Variants in HYCC1 observed in about 807,000 individuals in gnomAD.
HYCC1 encodes hyccin PI4KA lipid kinase complex subunit 1.
At chr7:22,952,946 GA>G in the HYCC1 span, among the ~76,000 whole-genome samples, 1 of 151,914 alleles carries the variant, frequency 6.6e-6, no homozygotes, top group African/African-American at 2.4e-5. Flanking sequence ...GGGGCATACA[GA>G]AAAACAGTCT....
At chr7:23,014,078 TCTCA>T in the HYCC1 span, 3,063 of 470,218 alleles carry the variant, frequency 6.5e-3, 89 homozygotes, top group African/African-American at 0.056. Context: ...TTCCCCCTCC[TCTCA>T]CTGACTGACA....
chr7:22,946,834 A>C, the HYCC1 span: 4,556 of 792,792 alleles, frequency 5.7e-3, 24 homozygotes, highest in South Asian at 9.1e-3. Flanking sequence ...AAAGAACATT[A>C]AGAGTCATTG....
the HYCC1 span, among the ~76,000 whole-genome samples, chr7:22,906,628 T>A: frequency 6.6e-6 from 1 of 150,676 alleles, no homozygotes; most frequent in Admixed American, 6.6e-5. Context: ...TTTTCAGATA[T>A]ACATAAAATA....
At chr7:22,993,528 T>C in the HYCC1 span, among the ~76,000 whole-genome samples, 2 of 152,060 alleles carry the variant, frequency 1.3e-5, no homozygotes, top group African/African-American at 2.4e-5. Context: ...CCAGAATATA[T>C]AAGGAACTCA....
chr7:22,964,256 T>C, the HYCC1 span, among the ~76,000 whole-genome samples: 2 of 152,140 alleles, frequency 1.3e-5, no homozygotes, highest in African/African-American at 4.8e-5. Flanking sequence ...ACTAAGATAA[T>C]AGTTTTAAAG....
the HYCC1 span, among the ~76,000 whole-genome samples, chr7:22,918,328 A>G: frequency 6.6e-6 from 1 of 152,122 alleles, no homozygotes; most frequent in Non-Finnish European, 1.5e-5. Context: ...ATGCTGTATG[A>G]CAAATGCTAT....
the HYCC1 span, among the ~76,000 whole-genome samples, chr7:23,008,937 C>G: frequency 6.6e-6 from 1 of 151,834 alleles, no homozygotes; most frequent in African/African-American, 2.4e-5. Flanking sequence ...CAAGCCCTTT[C>G]TAAGTAGTGA....
At chr7:22,964,402 A>G in the HYCC1 span, 1 of 1,376,100 alleles carries the variant, frequency 7.3e-7, no homozygotes, top group South Asian at 1.2e-5. Flanking sequence ...TTCGCATATG[A>G]TGAGATACTT....
At chr7:22,913,706 C>T in the HYCC1 span, among the ~76,000 whole-genome samples, 6 of 152,224 alleles carry the variant, frequency 3.9e-5, no homozygotes, top group Non-Finnish European at 5.9e-5. Context: ...AAAACTGCCA[C>T]ACCTCTAACT....
the HYCC1 span, among the ~76,000 whole-genome samples, chr7:22,912,147 T>C: frequency 6.6e-6 from 1 of 152,226 alleles, no homozygotes; most frequent in Non-Finnish European, 1.5e-5. Context: ...AACAACTATT[T>C]AAAGTCTCTG....
chr7:22,989,405 T>C, the HYCC1 span, among the ~76,000 whole-genome samples: 2 of 152,140 alleles, frequency 1.3e-5, no homozygotes, highest in African/African-American at 4.8e-5. Flanking sequence ...TGGACAGCAG[T>C]GGTGCCACCA....
chr7:22,910,139 C>G, the HYCC1 span, among the ~76,000 whole-genome samples: 15 of 152,318 alleles, frequency 9.8e-5, no homozygotes, highest in Non-Finnish European at 2.1e-4. Context: ...TGTTTCAGAT[C>G]TTTCTCCTCT....
At chr7:22,912,880 C>G in the HYCC1 span, among the ~76,000 whole-genome samples, 1 of 152,192 alleles carries the variant, frequency 6.6e-6, no homozygotes, top group African/African-American at 2.4e-5. Context: ...CACCTGTAAT[C>G]CCAGCACTTT....
At chr7:22,963,989 T>C in the HYCC1 span, among the ~76,000 whole-genome samples, 9 of 151,930 alleles carry the variant, frequency 5.9e-5, no homozygotes, top group East Asian at 1.9e-4. Context: ...TAGAAACTAA[T>C]AGAAAGCTAA....
chr7:22,991,607 G>A, the HYCC1 span, among the ~76,000 whole-genome samples: 3 of 152,072 alleles, frequency 2.0e-5, no homozygotes, highest in East Asian at 1.9e-4. Context: ...TTTCTTGAAA[G>A]TGTAATGTTC....
chr7:22,956,953 C>T, the HYCC1 span, among the ~76,000 whole-genome samples: 1 of 151,594 alleles, frequency 6.6e-6, no homozygotes, highest in Non-Finnish European at 1.5e-5. Flanking sequence ...TAATACTTTC[C>T]ATTAAAATAT....
the HYCC1 span, among the ~76,000 whole-genome samples, chr7:22,916,475 C>T: frequency 7.3e-4 from 111 of 152,284 alleles, 1 homozygote; most frequent in South Asian, 0.011. Flanking sequence ...TTTCATTACA[C>T]GCAGGCAAAG....
chr7:22,896,744 G>A, the HYCC1 span, among the ~76,000 whole-genome samples: 2 of 152,068 alleles, frequency 1.3e-5, no homozygotes, highest in Non-Finnish European at 2.9e-5. Context: ...CTTCCCAAAG[G>A]AGGGCCTTCT....
chr7:22,905,153 T>C, the HYCC1 span, among the ~76,000 whole-genome samples: 3 of 152,108 alleles, frequency 2.0e-5, no homozygotes, highest in Admixed American at 6.6e-5. Flanking sequence ...ACCCCCGTGA[T>C]CCAAACACCA....
Sources: gnomAD v4.1 joint callset for allele counts (sites outside exome capture counted in the v4.1 genomes callset) on GRCh38, gnomAD v4.1.1 for gene constraint, MANE v1.5 for transcripts, NCBI Gene and HGNC (gene_info 2026-07-23, HGNC 2026-07-21) for gene names.